Variants in DLG2 observed in about 807,000 individuals in gnomAD.
The protein encoded by DLG2 is disks large homolog 2.
In DLG2, 45 loss-of-function variants were observed where a neutral mutation model predicts 132.5. The ratio of observed to expected loss-of-function variants is 0.34; its 90% CI spans 0.27 to 0.44. DLG2 has a LOEUF of 0.44. Among genes scored for constraint, DLG2 ranks in the 20% least tolerant of loss-of-function variants. The probability of loss-of-function intolerance (pLI) is 1.00; values close to 1 mark genes in which losing one functional copy is unlikely to be tolerated. For synonymous variants in DLG2, 424 were observed against 419.6 expected, an observed-to-expected ratio of 1.01 and a Z score of -0.13; for missense variants, 1,045 against 1,196.9, an observed-to-expected ratio of 0.87 and a Z score of 1.87.
intron 6 of DLG2, among the ~76,000 whole-genome samples, chr11:84,703,136 G>C (rs780983532): frequency 4.6e-5 from 7 of 151,618 alleles, no homozygotes; most frequent in African/African-American, 7.3e-5. Flanking sequence ...AGAGAAAAAT[G>C]TGCTTAAGCA....
At chr11:84,970,102 C>A (rs2053870755) in intron 6 of DLG2, among the ~76,000 whole-genome samples, 1 of 152,024 alleles carries the variant, frequency 6.6e-6, no homozygotes, top group Non-Finnish European at 1.5e-5. Context: ...ACCACCATGG[C>A]ACGTGTATAC....
chr11:84,557,706 TC>T (rs1390870273), intron 6 of DLG2, among the ~76,000 whole-genome samples: 1 of 152,124 alleles, frequency 6.6e-6, no homozygotes, highest in Non-Finnish European at 1.5e-5. Flanking sequence ...TCTATTATTT[TC>T]CTTTCCGGAA....
intron 17 of DLG2, among the ~76,000 whole-genome samples, chr11:83,829,197 CTTTTTT>C (rs5793089): frequency 8.4e-6 from 1 of 119,344 alleles, no homozygotes; most frequent in African/African-American, 3.3e-5. Flanking sequence ...TTTTATTTAG[CTTTTTT>C]TTTTTTTTTT....
chr11:84,712,773 G>A (rs765013689), intron 6 of DLG2, among the ~76,000 whole-genome samples: 2 of 152,114 alleles, frequency 1.3e-5, no homozygotes, highest in Admixed American at 6.5e-5. Flanking sequence ...AAAGGAGGGT[G>A]TTATTTTTCC....
chr11:83,863,895 C>A (rs148399238), intron 16 of DLG2, among the ~76,000 whole-genome samples: 2 of 152,206 alleles, frequency 1.3e-5, no homozygotes, highest in East Asian at 3.9e-4. Context: ...AGTGAAAGCA[C>A]TGTAAGAGAA....
chr11:85,150,699 AGTGTGTGTGTGTGT>A (rs71036459), intron 5 of DLG2, among the ~76,000 whole-genome samples: 1,471 of 127,342 alleles, frequency 0.012, 30 homozygotes, highest in African/African-American at 0.033. Context: ...AAGGCTACAT[AGTGTGTGTGTGTGT>A]GTGTGTGTGT....
At chr11:84,702,228 C>G (rs1197847042) in intron 6 of DLG2, among the ~76,000 whole-genome samples, 8 of 151,644 alleles carry the variant, frequency 5.3e-5, no homozygotes, top group Admixed American at 3.3e-4. Flanking sequence ...CCTCTCAAAG[C>G]TGGGATTTTT....
intron 3 of DLG2, among the ~76,000 whole-genome samples, chr11:85,584,349 TGTG>T (rs2078824518): frequency 9.7e-6 from 1 of 102,764 alleles, no homozygotes. Context: ...GGTGTGTGTG[TGTG>T]TGTGTGTGTG....
chr11:83,858,817 G>T (rs2060968375), intron 16 of DLG2, among the ~76,000 whole-genome samples: 1 of 152,144 alleles, frequency 6.6e-6, no homozygotes, highest in South Asian at 2.1e-4. Flanking sequence ...TACTGATGTG[G>T]CTTATAGTTT....
At chr11:84,563,479 T>A (rs1234330055) in intron 6 of DLG2, among the ~76,000 whole-genome samples, 1 of 152,174 alleles carries the variant, frequency 6.6e-6, no homozygotes, top group African/African-American at 2.4e-5. Context: ...GAAGGAATCA[T>A]GCTTTTTTTC....
intron 6 of DLG2, among the ~76,000 whole-genome samples, chr11:84,984,525 C>A (rs924890465): frequency 6.6e-6 from 1 of 151,740 alleles, no homozygotes; most frequent in Non-Finnish European, 1.5e-5. Context: ...CAAAACAGAA[C>A]CTCTTTAAAG....
intron 3 of DLG2, among the ~76,000 whole-genome samples, chr11:85,546,967 T>A (rs993064160): frequency 1.3e-5 from 2 of 152,148 alleles, no homozygotes; most frequent in African/African-American, 4.8e-5. Context: ...AATTTGCCAG[T>A]CTGTGTCTTT....
Position 83,496,189 on chromosome 11 carries a change from T to G in DLG2, c.2194-11961A>C, listed in dbSNP as rs571721290. Among the ~76,000 whole-genome samples, 25 of 150,180 alleles carry G rather than the reference T, an allele frequency of 1.7e-4. No individual in the cohort carries two copies. In the East Asian group the frequency reaches 2.9e-3, roughly 17 times the overall value. ...TTGACTGGATATTTAACATAAGATATATATATATATATATAAGTGATCAGA... is the reference window on the plus strand; with the variant it reads ...TTGACTGGATATTTAACATAAGATAGATATATATATATATAAGTGATCAGA... On this transcript the variant is annotated intron_variant, in intron 21 of 27. Coordinates refer to ENST00000376104, the MANE Select transcript of DLG2 (RefSeq NM_001142699.3).
At chr11:84,479,837 T>G (rs1485835869) in intron 7 of DLG2, among the ~76,000 whole-genome samples, 1 of 152,122 alleles carries the variant, frequency 6.6e-6, no homozygotes, top group Non-Finnish European at 1.5e-5. Context: ...CTAAAAAATA[T>G]AATAAACTGA....
chr11:85,320,137 G>A (rs2080958885), intron 3 of DLG2, among the ~76,000 whole-genome samples: 1 of 151,874 alleles, frequency 6.6e-6, no homozygotes, highest in African/African-American at 2.4e-5. Flanking sequence ...GCATCATCCT[G>A]TAGATAAGTT....
At chr11:84,844,085 GTATATATATATATATA>G (rs1555254838) in intron 6 of DLG2, among the ~76,000 whole-genome samples, 3,439 of 92,824 alleles carry the variant, frequency 0.037, 87 homozygotes, top group East Asian at 0.13. Flanking sequence ...GTGTGTGTGT[GTATATATATATATATA>G]TGTTTGTGTG....
At chr11:84,470,706 C>T (rs1388948982) in intron 7 of DLG2, among the ~76,000 whole-genome samples, 1 of 151,524 alleles carries the variant, frequency 6.6e-6, no homozygotes, top group African/African-American at 2.4e-5. Flanking sequence ...TGCTTGCAGA[C>T]TGAATGATAA....
At chr11:84,836,634 T>C (rs966439800) in intron 6 of DLG2, among the ~76,000 whole-genome samples, 1 of 151,878 alleles carries the variant, frequency 6.6e-6, no homozygotes, top group Non-Finnish European at 1.5e-5. Flanking sequence ...AGACAGCTTT[T>C]GCCCTCAAGG....
At chr11:84,693,995 G>T (rs1378900609) in intron 6 of DLG2, among the ~76,000 whole-genome samples, 3 of 151,624 alleles carry the variant, frequency 2.0e-5, no homozygotes, top group Non-Finnish European at 4.4e-5. Flanking sequence ...TACCATACAT[G>T]TAATTGTTTT....
Sources: gnomAD v4.1 joint callset for allele counts (sites outside exome capture counted in the v4.1 genomes callset) on GRCh38, gnomAD v4.1.1 for gene constraint, MANE v1.5 for transcripts, NCBI Gene and HGNC (gene_info 2026-07-23, HGNC 2026-07-21) for gene names.